The following AHCYL2 variants were observed in gnomAD, a reference collection of about 807,000 sequenced individuals.
AHCYL2 encodes adenosylhomocysteinase like 2, also known as S-adenosylhomocysteine hydrolase-like protein 2.
A neutral mutation model predicts 81.4 loss-of-function variants in AHCYL2; 28 were observed. The ratio of observed to expected loss-of-function variants is 0.34; its 90% CI spans 0.25 to 0.47. The LOEUF is 0.47. AHCYL2 is among the 20% of genes least tolerant of loss of function. The probability of loss-of-function intolerance (pLI) is 1.00; values close to 1 mark genes in which losing one functional copy is unlikely to be tolerated. For missense variants in AHCYL2, 551 were observed against 785.1 expected, an observed-to-expected ratio of 0.70 and a Z score of 3.56; for synonymous variants, 272 against 290.2, an observed-to-expected ratio of 0.94 and a Z score of 0.64.
intron 2 of AHCYL2, 31 bp from the exon 3 acceptor site, chr7:129,389,025 T>C (rs1391540565): frequency 1.3e-6 from 2 of 1,590,716 alleles, no homozygotes; most frequent in Non-Finnish European, 1.7e-6. Flanking sequence ...CATTTTTTTT[T>C]TTCCGAGTGT....
intron 2 of AHCYL2, among the ~76,000 whole-genome samples, chr7:129,383,117 C>T (rs1795040219): frequency 6.6e-6 from 1 of 151,810 alleles, no homozygotes; most frequent in Non-Finnish European, 1.5e-5. Flanking sequence ...TATACAACTG[C>T]CTGCTGAGTC....
chr7:129,242,677 A>G (rs976016456), intron 1 of AHCYL2, among the ~76,000 whole-genome samples: 2 of 150,882 alleles, frequency 1.3e-5, no homozygotes, highest in African/African-American at 4.9e-5. Context: ...AGATCGTGCC[A>G]TTGCACTCCA....
intron 1 of AHCYL2, among the ~76,000 whole-genome samples, chr7:129,365,475 GAAAT>G (rs1439494116): frequency 6.6e-6 from 1 of 151,868 alleles, no homozygotes; most frequent in Non-Finnish European, 1.5e-5. Flanking sequence ...ATACAAATTG[GAAAT>G]TGGAGTTATA....
At chr7:129,356,426 A>G (rs918305804) in intron 1 of AHCYL2, among the ~76,000 whole-genome samples, 3 of 152,042 alleles carry the variant, frequency 2.0e-5, no homozygotes, top group Non-Finnish European at 2.9e-5. Context: ...TTTCCACCCT[A>G]TCCCCTGTAA....
intron 8 of AHCYL2, 71 bp downstream of exon 8, chr7:129,405,284 T>G: frequency 8.4e-7 from 1 of 1,189,016 alleles, no homozygotes. Flanking sequence ...GCTTTGGTTA[T>G]TTCTGGAAAG....
chr7:129,422,803 G>C, intron 12 of AHCYL2, 37 bp from the exon 13 acceptor site: 2 of 1,590,236 alleles, frequency 1.3e-6, no homozygotes, highest in Non-Finnish European at 1.7e-6. Context: ...AGTGGGGCTT[G>C]CTATGGCTAA....
intron 1 of AHCYL2, among the ~76,000 whole-genome samples, chr7:129,309,060 C>T (rs1402605381): frequency 2.6e-5 from 4 of 151,292 alleles, no homozygotes; most frequent in African/African-American, 7.3e-5. Context: ...GGTGAAACCC[C>T]GTCTCTACTA....
At chr7:129,343,515 A>G (rs972346560) in intron 1 of AHCYL2, among the ~76,000 whole-genome samples, 4 of 152,186 alleles carry the variant, frequency 2.6e-5, no homozygotes, top group African/African-American at 9.6e-5. Flanking sequence ...AGCAATGGGA[A>G]GTTCCAGAAA....
chr7:129,396,376 C>T (rs1462377896), intron 4 of AHCYL2, among the ~76,000 whole-genome samples: 2 of 151,966 alleles, frequency 1.3e-5, no homozygotes, highest in South Asian at 2.1e-4. Context: ...CTGCCCGCCT[C>T]GGCCTCCCAA....
intron 1 of AHCYL2, among the ~76,000 whole-genome samples, chr7:129,250,331 A>G (rs1050879739): frequency 2.0e-5 from 3 of 152,230 alleles, no homozygotes; most frequent in African/African-American, 4.8e-5. Context: ...CCTGCTTTCA[A>G]TTCTTTTGGA....
At chr7:129,375,144 A>G (rs1794617931) in intron 1 of AHCYL2, among the ~76,000 whole-genome samples, 1 of 152,178 alleles carries the variant, frequency 6.6e-6, no homozygotes, top group South Asian at 2.1e-4. Context: ...CCAAATCAGC[A>G]ACAATCTTGA....
chr7:129,238,090 C>T (rs1794704220), intron 1 of AHCYL2, among the ~76,000 whole-genome samples: 1 of 152,100 alleles, frequency 6.6e-6, no homozygotes, highest in Admixed American at 6.6e-5. Flanking sequence ...AAAAATTTTT[C>T]CCGGGTTAGG....
chr7:129,285,845 G>C (rs968949449), intron 1 of AHCYL2, among the ~76,000 whole-genome samples: 1 of 151,782 alleles, frequency 6.6e-6, no homozygotes, highest in South Asian at 2.1e-4. Flanking sequence ...TGAGTAGCTG[G>C]GACTATAGGT....
At chr7:129,265,466 TATAAG>T (rs1323086892) in intron 1 of AHCYL2, among the ~76,000 whole-genome samples, 1 of 152,056 alleles carries the variant, frequency 6.6e-6, no homozygotes, top group African/African-American at 2.4e-5. Context: ...GCTGCTTTAT[TATAAG>T]AGAGTGAAGT....
intron 1 of AHCYL2, among the ~76,000 whole-genome samples, chr7:129,339,592 G>A (rs550466745): frequency 1.3e-5 from 2 of 151,978 alleles, no homozygotes; most frequent in South Asian, 2.1e-4. Context: ...TCTCACTGTT[G>A]CCCAGGCTGG....
At chr7:129,263,955 T>C (rs1393349191) in intron 1 of AHCYL2, among the ~76,000 whole-genome samples, 7 of 152,148 alleles carry the variant, frequency 4.6e-5, no homozygotes, top group Admixed American at 3.3e-4. Context: ...GGCATTTGAG[T>C]AGATGGTGGT....
chr7:129,337,892 C>T (rs76132908), intron 1 of AHCYL2, among the ~76,000 whole-genome samples: 37,316 of 151,794 alleles, frequency 0.25, 4,641 homozygotes, highest in South Asian at 0.37. Flanking sequence ...TACAGGCATG[C>T]GCCACCATGC....
chr7:129,316,498 T>C (rs1563193503), intron 1 of AHCYL2, among the ~76,000 whole-genome samples: 1 of 152,210 alleles, frequency 6.6e-6, no homozygotes, highest in African/African-American at 2.4e-5. Flanking sequence ...CTTTTTGTAG[T>C]ATGAAGCTGT....
chr7:129,272,672 A>AT (rs1231831336), intron 1 of AHCYL2, among the ~76,000 whole-genome samples: 1 of 152,178 alleles, frequency 6.6e-6, no homozygotes, highest in Non-Finnish European at 1.5e-5. Flanking sequence ...ACCATAGAAA[A>AT]TGTATCTAAT....
Sources: gnomAD v4.1 joint callset for allele counts (sites outside exome capture counted in the v4.1 genomes callset) on GRCh38, gnomAD v4.1.1 for gene constraint, MANE v1.5 for transcripts, NCBI Gene and HGNC (gene_info 2026-07-23, HGNC 2026-07-21) for gene names.